ENO4: variants seen among roughly 807,000 people sequenced by gnomAD.
The protein encoded by ENO4 is enolase 4.
A neutral mutation model predicts 63.2 loss-of-function variants in ENO4; 53 were observed. The ratio of observed to expected loss-of-function variants is 0.84; its 90% CI spans 0.67 to 1.05. ENO4 has a LOEUF of 1.05. ENO4 is among the 50% of genes least tolerant of loss of function. The pLI, the probability that ENO4 is intolerant of heterozygous loss-of-function variation, is 0.00. For missense variants in ENO4, 719 were observed against 772.0 expected (o/e 0.93, Z 0.81); for synonymous variants, 266 against 283.8 (o/e 0.94, Z 0.63).
At chr10:116,890,355 AC>A (rs1847300695) in intron 10 of ENO4, among the ~76,000 whole-genome samples, 1 of 152,222 alleles carries the variant, frequency 6.6e-6, no homozygotes, top group Non-Finnish European at 1.5e-5. Flanking sequence ...GACAGGGATC[AC>A]CATGGTGAGC....
chr10:116,893,611 G>C (rs1005396207), intron 10 of ENO4, among the ~76,000 whole-genome samples: 1 of 4,072 alleles, frequency 2.5e-4, no homozygotes, highest in Admixed American at 1.8e-3. Context: ...AAAGAAAGCG[G>C]AGAAGCGGAG....
At chr10:116,876,659 A>G (rs1846840263) in intron 11 of ENO4, among the ~76,000 whole-genome samples, 1 of 152,232 alleles carries the variant, frequency 6.6e-6, no homozygotes, top group South Asian at 2.1e-4. Context: ...CTTTAAATTT[A>G]CAGAAACCTG....
At chr10:116,881,078 T>C (rs1217717286) in intron 13 of ENO4, among the ~76,000 whole-genome samples, 2 of 152,170 alleles carry the variant, frequency 1.3e-5, no homozygotes, top group Non-Finnish European at 2.9e-5. Flanking sequence ...GAGTAGGAAA[T>C]CTTGGCAAAA....
At chr10:116,852,070 C>G (rs937583765) in intron 1 of ENO4, among the ~76,000 whole-genome samples, 3 of 152,050 alleles carry the variant, frequency 2.0e-5, no homozygotes, top group Admixed American at 2.0e-4. Context: ...GGTGGTTACT[C>G]TCATGCTGTT....
intron 4 of ENO4, 130 bp downstream of exon 4, chr10:116,859,268 T>C: frequency 9.7e-7 from 1 of 1,032,814 alleles, no homozygotes; most frequent in East Asian, 2.8e-5. Context: ...AAGCCATCCA[T>C]CCTATGCCAC....
In ENO4 at chr10:116,849,600, A is replaced by AC; in HGVS notation, c.36dup (p.Thr13HisfsTer2). On this transcript the variant is annotated frameshift_variant, in exon 1 of 14. Coordinates refer to ENST00000341276, the MANE Select transcript of ENO4 (RefSeq NM_001242699.2). LOFTEE classifies it high-confidence loss of function. ...AGAAGGCGGCGGCCGCAGCTGTGGG[A>AC]CCACTAGGGAGCTGCAGAAGCTGAA... The AC allele has an allele frequency of 6.5e-7, 1 of 1,548,538 alleles. No individual in the cohort carries two copies. Among genetic ancestry groups the AC allele is most frequent in the Non-Finnish European group, 8.7e-7 (1 of 1,146,084 alleles).
In ENO4 at chr10:116,899,506, G is replaced by GGTGTGTGT. The variant is rs370396879; in HGVS notation, c.1195-11959_1195-11952dup. ...AAGGGAAGTTAGAGTGGCTGGGGCT[G>GGTGTGTGT]GTGTGTGTGTGTGTGTGTGTGTGTG... On this transcript the variant is annotated intron_variant, in intron 10 of 10. Transcript: ENST00000369207. Among the ~76,000 whole-genome samples, 388 of 124,566 alleles carry GGTGTGTGT rather than the reference G, an allele frequency of 3.1e-3. 2 individuals are homozygous for GGTGTGTGT. Among genetic ancestry groups the GGTGTGTGT allele is most frequent in the African/African-American group, 8.0e-3 (275 of 34,172 alleles). The allele number at this position is 124,566 out of a possible 152,430, so 81.7% of individuals were successfully genotyped here. A position where few individuals can be genotyped will look rare whatever the true frequency, so the allele number is the denominator to read the frequency against.
chr10:116,849,759 C>G lies in ENO4; in HGVS notation c.165+28C>G, dbSNP rs1036609723. The stretch of plus-strand genomic sequence containing the variant: ...AGGGACCTGGGACAAGCGCTCTCCT[C>G]CCGCCAACCCCTCTCCCCCCGCCCC... On this transcript the variant is annotated intron_variant, in intron 1 of 13. Coordinates refer to ENST00000341276, the MANE Select transcript of ENO4 (RefSeq NM_001242699.2). 15 of 1,476,708 alleles carry G rather than the reference C, an allele frequency of 1.0e-5. No homozygotes were observed. The Admixed American group carries it at 3.6e-4, about 35-fold the overall frequency. 91.5% of individuals were successfully genotyped at this position (1,476,708 alleles called of 1,614,324 possible). A position where few individuals can be genotyped will look rare whatever the true frequency, so the allele number is the denominator to read the frequency against.
intron 10 of ENO4, among the ~76,000 whole-genome samples, chr10:116,909,019 G>A (rs1848084935): frequency 6.6e-6 from 1 of 152,138 alleles, no homozygotes. Context: ...AAAATACCAA[G>A]ACTATTTTAG....
chr10:116,856,159 C>G (rs1846251153), intron 2 of ENO4, among the ~76,000 whole-genome samples: 1 of 152,134 alleles, frequency 6.6e-6, no homozygotes, highest in Non-Finnish European at 1.5e-5. Flanking sequence ...TTTTAATTCA[C>G]TTTGCTACAT....
intron 8 of ENO4, 84 bp downstream of exon 8, chr10:116,868,790 T>C (rs1846612466): frequency 7.8e-7 from 1 of 1,275,476 alleles, no homozygotes; most frequent in Admixed American, 2.0e-5. Flanking sequence ...TAGTCACTTT[T>C]TGCTCCAAGA....
chr10:116,893,826 AAAGT>A (rs952115690), intron 10 of ENO4, among the ~76,000 whole-genome samples: 11 of 152,222 alleles, frequency 7.2e-5, no homozygotes, highest in Admixed American at 1.3e-4. Context: ...AAGTTTCCCT[AAAGT>A]AAGTTAAGAA....
chr10:116,872,486 G>A (rs777044201), intron 9 of ENO4, among the ~76,000 whole-genome samples: 17 of 151,910 alleles, frequency 1.1e-4, no homozygotes, highest in Non-Finnish European at 2.1e-4. Context: ...TTTATAAAGG[G>A]GAGTTCCCCT....
intron 9 of ENO4, among the ~76,000 whole-genome samples, chr10:116,872,665 C>A (rs1483644634): frequency 4.6e-5 from 7 of 152,156 alleles, no homozygotes; most frequent in Non-Finnish European, 7.3e-5. Flanking sequence ...AGCATGAGAA[C>A]AAACTAATAC....
At chr10:116,907,127 T>C (rs999962867) in intron 10 of ENO4, among the ~76,000 whole-genome samples, 3 of 152,208 alleles carry the variant, frequency 2.0e-5, no homozygotes, top group African/African-American at 7.2e-5. Flanking sequence ...GAAATCTTTA[T>C]ATGGCAGCCA....
intron 12 of ENO4, 55 bp from the exon 13 acceptor site, chr10:116,879,814 T>A: frequency 7.7e-7 from 1 of 1,303,024 alleles, no homozygotes; most frequent in Non-Finnish European, 1.1e-6. Context: ...GAATTGTTTG[T>A]CGTTTAGCAA....
chr10:116,857,924 AC>A (rs1846312337), intron 3 of ENO4, among the ~76,000 whole-genome samples: 1 of 152,240 alleles, frequency 6.6e-6, no homozygotes, highest in East Asian at 1.9e-4. Context: ...GGCATGAGCC[AC>A]TGCGCCCAGC....
chr10:116,862,817 G>T lies in ENO4; in HGVS notation c.955G>T (p.Glu319Ter). Residue 319 changes from glutamate (E) to a stop codon, truncating the protein, a stop_gained, in exon 7 of 14, where the codon GAA becomes TAA. Transcript: ENST00000341276. LOFTEE classifies it high-confidence loss of function. ...CTTACAGGGTGTCGAGATGCTTATG[G>T]AAATGCAGAAACATATCAACAAAAT... The part of the protein sequence containing the change: ...TTKQGVEMLM[E>*]MQKHINKIIE... The T allele has an allele frequency of 6.5e-7, 1 of 1,549,762 alleles. No homozygotes were observed. The highest frequency in any genetic ancestry group is 8.7e-7 in the Non-Finnish European group (1 of 1,146,318).
At chr10:116,904,390 T>C (rs971537448) in intron 10 of ENO4, among the ~76,000 whole-genome samples, 4 of 152,112 alleles carry the variant, frequency 2.6e-5, no homozygotes, top group African/African-American at 9.7e-5. Flanking sequence ...TAAAAAATGG[T>C]ATGATTTCTT....
Sources: allele counts gnomAD v4.1 joint callset (sites outside exome capture counted in the v4.1 genomes callset), GRCh38; gene constraint gnomAD v4.1.1; transcripts MANE v1.5; gene names NCBI Gene and HGNC (gene_info 2026-07-23, HGNC 2026-07-21).